FBXL17: variants seen among roughly 807,000 people sequenced by gnomAD.
FBXL17 encodes the protein F-box and leucine rich repeat protein 17, also known as F-box/LRR-repeat protein 17.
FBXL17 carries 22 observed loss-of-function variants against 66.2 expected under a neutral mutation model. The ratio of observed to expected loss-of-function variants is 0.33; its 90% CI spans 0.24 to 0.47. The LOEUF (loss-of-function observed/expected upper bound fraction) is 0.47, where lower values mean the gene tolerates loss of function less well. Ranked by LOEUF, FBXL17 falls within the 20% of genes least tolerant of loss-of-function variation. FBXL17 has a pLI of 1.00. For synonymous variants in FBXL17, 474 were observed against 400.5 expected (o/e 1.18, Z -2.19); for missense variants, 878 against 948.2 (o/e 0.93, Z 0.97).
At chr5:108,300,464 A>G (rs959657142) in intron 4 of FBXL17, among the ~76,000 whole-genome samples, 1 of 151,886 alleles carries the variant, frequency 6.6e-6, no homozygotes, top group African/African-American at 2.4e-5. Flanking sequence ...TTGTAATTAA[A>G]TGGTTGAATC....
At chr5:108,042,907 A>C (rs1333609396) in intron 6 of FBXL17, among the ~76,000 whole-genome samples, 1 of 152,144 alleles carries the variant, frequency 6.6e-6, no homozygotes, top group Non-Finnish European at 1.5e-5. Context: ...TGGTTTTGTG[A>C]CAATCTTTTT....
At chr5:108,277,565 A>G (rs1195563142) in intron 4 of FBXL17, among the ~76,000 whole-genome samples, 2 of 152,226 alleles carry the variant, frequency 1.3e-5, no homozygotes, top group Admixed American at 6.5e-5. Context: ...GAATGTCTGT[A>G]AAAACAAACA....
intron 4 of FBXL17, among the ~76,000 whole-genome samples, chr5:108,275,533 AT>A (rs1757449754): frequency 6.6e-6 from 1 of 152,154 alleles, no homozygotes. Context: ...ATGTTTTACT[AT>A]CTTTGCTATC....
In FBXL17 at chr5:108,318,165, G is replaced by T. The variant is rs1057113570; in HGVS notation, c.1506+30234C>A. Among the ~76,000 whole-genome samples the T allele has an allele frequency of 5.9e-5, 9 of 151,608 alleles. 1 individual carries two copies. Among genetic ancestry groups the T allele is most frequent in the African/African-American group, 9.7e-5 (4 of 41,382 alleles). The stretch of plus-strand genomic sequence containing the variant: ...CCCATGTGCACAACAAAGATGCCTT[G>T]TATTCTTAATCATCGACAGCCAGTT... On this transcript the variant is annotated intron_variant, in intron 4 of 8. Transcript: ENST00000542267.
intron 7 of FBXL17, among the ~76,000 whole-genome samples, chr5:107,965,578 G>C (rs189160696): frequency 1.0e-3 from 158 of 152,290 alleles, no homozygotes; most frequent in Non-Finnish European, 1.7e-3. Context: ...AAGATCCTTT[G>C]AAACTAGCAC....
intron 6 of FBXL17, among the ~76,000 whole-genome samples, chr5:108,126,342 TC>T (rs1028521287): frequency 1.3e-5 from 2 of 152,074 alleles, no homozygotes; most frequent in African/African-American, 4.8e-5. Context: ...TTCACTCACT[TC>T]CCTCTATTTT....
chr5:108,177,381 T>A (rs1457043684), intron 6 of FBXL17, among the ~76,000 whole-genome samples: 1 of 152,172 alleles, frequency 6.6e-6, no homozygotes, highest in Non-Finnish European at 1.5e-5. Context: ...TGCAGTAAAA[T>A]ATTCAAACAT....
At chr5:108,290,336 AG>A (rs1423813501) in intron 4 of FBXL17, among the ~76,000 whole-genome samples, 1 of 152,202 alleles carries the variant, frequency 6.6e-6, no homozygotes, top group Non-Finnish European at 1.5e-5. Context: ...AAGAGGAGTT[AG>A]GAAGCAAGAC....
At chr5:108,320,710 T>G (rs1221823324) in intron 4 of FBXL17, among the ~76,000 whole-genome samples, 1 of 151,864 alleles carries the variant, frequency 6.6e-6, no homozygotes, top group Non-Finnish European at 1.5e-5. Context: ...TTGCTAGATT[T>G]GTTAAGAACA....
intron 4 of FBXL17, among the ~76,000 whole-genome samples, chr5:108,235,003 T>C (rs2966794): frequency 0.28 from 42,559 of 152,146 alleles, 6,549 homozygotes; most frequent in Middle Eastern, 0.38. Context: ...GATCTATCTT[T>C]ATCAGAATAA....
rs1312599875 is a variant in FBXL17, at chr5:108,155,638, G to A, written c.1745+30479C>T. 5.4e-4 allele frequency among the ~76,000 whole-genome samples: 82 copies of A among 152,164 alleles called. 1 individual carries two copies. The highest frequency in any genetic ancestry group is 1.5e-5 in the Non-Finnish European group (1 of 68,028). ...GACTAGCAGATCCCTGGAATGCTTA[G>A]TAAGAATTTATTTTGATTTCTGATG... On this transcript the variant is annotated intron_variant, in intron 6 of 8. Coordinates refer to ENST00000542267, the MANE Select transcript of FBXL17 (RefSeq NM_001163315.3).
chr5:108,152,214 T>A (rs1205775357), intron 6 of FBXL17, among the ~76,000 whole-genome samples: 2 of 152,218 alleles, frequency 1.3e-5, no homozygotes, highest in Admixed American at 6.5e-5. Flanking sequence ...CAATATTTTT[T>A]AAGATAAACA....
intron 5 of FBXL17, among the ~76,000 whole-genome samples, chr5:108,204,905 T>C (rs952087384): frequency 2.0e-5 from 3 of 151,912 alleles, no homozygotes; most frequent in African/African-American, 7.3e-5. Context: ...CGATTATCAA[T>C]ATTTTGCATT....
intron 6 of FBXL17, among the ~76,000 whole-genome samples, chr5:108,115,303 T>C (rs1750199926): frequency 6.6e-6 from 1 of 152,092 alleles, no homozygotes; most frequent in South Asian, 2.1e-4. Context: ...CCTAAGTCAG[T>C]TTTTAAAATA....
intron 6 of FBXL17, among the ~76,000 whole-genome samples, chr5:108,045,708 AC>A (rs1401847607): frequency 6.6e-6 from 1 of 152,000 alleles, no homozygotes; most frequent in African/African-American, 2.4e-5. Flanking sequence ...TTCTCTTGTG[AC>A]TTCCTCTTTC....
At chr5:108,095,008 G>A (rs150119394) in intron 6 of FBXL17, among the ~76,000 whole-genome samples, 1 of 151,994 alleles carries the variant, frequency 6.6e-6, no homozygotes, top group East Asian at 1.9e-4. Flanking sequence ...GAAAAAACTT[G>A]CTTCTCTGGC....
chr5:108,126,716 C>T (rs924223832), intron 6 of FBXL17, among the ~76,000 whole-genome samples: 4 of 146,748 alleles, frequency 2.7e-5, no homozygotes, highest in Non-Finnish European at 6.0e-5. Context: ...CAGCTAAAGG[C>T]CTATTTTCTA....
At chr5:108,326,684 G>C (rs1580821633) in intron 4 of FBXL17, among the ~76,000 whole-genome samples, 1 of 151,930 alleles carries the variant, frequency 6.6e-6, no homozygotes, top group East Asian at 1.9e-4. Context: ...TATGTTAAAA[G>C]GTACTCAATA....
intron 4 of FBXL17, among the ~76,000 whole-genome samples, chr5:108,310,217 C>T (rs73781319): frequency 0.05 from 7,579 of 152,114 alleles, 632 homozygotes; most frequent in African/African-American, 0.17. Flanking sequence ...CATGTAAGAC[C>T]TCCAAGTGGA....
Sources: allele counts gnomAD v4.1 joint callset (sites outside exome capture counted in the v4.1 genomes callset), GRCh38; gene constraint gnomAD v4.1.1; transcripts MANE v1.5; gene names NCBI Gene and HGNC (gene_info 2026-07-23, HGNC 2026-07-21).